SULF1: variants seen among roughly 807,000 people sequenced by gnomAD.
SULF1 encodes extracellular sulfatase Sulf-1.
Under a neutral mutation model 110.5 loss-of-function variants are expected in SULF1, and 46 were observed. The ratio of observed to expected loss-of-function variants is 0.42; its 90% CI spans 0.33 to 0.53. The LOEUF (loss-of-function observed/expected upper bound fraction) is 0.53. SULF1 is among the 20% of genes least tolerant of loss of function. SULF1 has a pLI of 0.12. For missense variants in SULF1, 941 were observed against 1,094.2 expected (o/e 0.86, Z 1.98); for synonymous variants, 371 against 387.1 (o/e 0.96, Z 0.49).
upstream of SULF1, among the ~76,000 whole-genome samples, chr8:69,488,652 C>T (rs1809795554): frequency 6.6e-6 from 1 of 152,020 alleles, no homozygotes; most frequent in Non-Finnish European, 1.5e-5. Context: ...CTCCTCTTCA[C>T]CCTGTTGGTG....
chr8:69,500,101 T>G (rs1415293276), intron 2 of SULF1, among the ~76,000 whole-genome samples: 3 of 152,212 alleles, frequency 2.0e-5, no homozygotes, highest in Non-Finnish European at 4.4e-5. Flanking sequence ...ATTTATAAAA[T>G]TTAAGAAAAT....
intron 1 of SULF1, chr8:69,473,269 C>T (rs957732832): frequency 8.5e-5 from 13 of 152,128 alleles, no homozygotes; most frequent in Non-Finnish European, 1.6e-4. Context: ...ACTATGTCTA[C>T]GTTTTCTAAA....
At position 69,603,323 on chromosome 8, in the gene SULF1, G is replaced by T. The variant is rs1384954907; in HGVS notation, c.1190+3G>T. ...GACCCAGAAAAGCCAGGTAACAGGT[G>T]TGTCATTGTTCCTCCTCTCAGCCAG... On this transcript the variant is annotated splice_donor_region_variant and intron_variant, in intron 11 of 22. Transcript: ENST00000402687. 1 of 1,614,070 alleles carries T rather than the reference G, an allele frequency of 6.2e-7. No individual in the cohort carries two copies. Among genetic ancestry groups the T allele is most frequent in the South Asian group, 1.1e-5 (1 of 91,068 alleles).
chr8:69,488,966 G>A (rs73287667), upstream of SULF1, among the ~76,000 whole-genome samples: 1 of 152,096 alleles, frequency 6.6e-6, no homozygotes, highest in Non-Finnish European at 1.5e-5. Flanking sequence ...AAACCCATAA[G>A]GTTGAAGACC....
intron 3 of SULF1, among the ~76,000 whole-genome samples, chr8:69,502,197 C>T (rs886739143): frequency 6.6e-6 from 1 of 152,120 alleles, no homozygotes; most frequent in Non-Finnish European, 1.5e-5. Flanking sequence ...TAAGAAATGT[C>T]AGAAGAACCA....
At chr8:69,649,609 A>G (rs1410466670) in intron 22 of SULF1, among the ~76,000 whole-genome samples, 1 of 152,170 alleles carries the variant, frequency 6.6e-6, no homozygotes, top group Non-Finnish European at 1.5e-5. Context: ...ACTTCTCATT[A>G]TCAGTCATGA....
At chr8:69,607,550 G>A (rs1357098685) in intron 13 of SULF1, among the ~76,000 whole-genome samples, 1 of 152,116 alleles carries the variant, frequency 6.6e-6, no homozygotes. Flanking sequence ...CTTTTTTAGA[G>A]ATGGGGTTTT....
At chr8:69,511,691 T>C (rs895836750) in intron 3 of SULF1, among the ~76,000 whole-genome samples, 6 of 152,214 alleles carry the variant, frequency 3.9e-5, no homozygotes, top group Admixed American at 6.5e-5. Context: ...TTTGTTACAA[T>C]TGAGGAACCT....
At chr8:69,618,848 A>G (rs2130533448) in intron 13 of SULF1, among the ~76,000 whole-genome samples, 1 of 152,352 alleles carries the variant, frequency 6.6e-6, no homozygotes, top group East Asian at 1.9e-4. Context: ...CTTAAGAGAA[A>G]GCAAACCATG....
rs1324240767 is a variant in SULF1, at chr8:69,564,094, A to G, written c.119A>G (p.Asn40Ser). Residue 40 changes from asparagine to serine, a missense_variant, in exon 5 of 23, where the codon AAC (asparagine) becomes AGC (serine). Asn to Ser is a conservative substitution (Grantham distance 46). Around this residue, in one of 3 missense-constraint regions of SULF1, gnomAD observed 822 missense variants for 934.3 expected, o/e 0.88. Coordinates refer to ENST00000402687, the MANE Select transcript of SULF1 (RefSeq NM_001128205.2). ...FRGRIQQERK[N>S]IRPNIILVLT... ...GGACGGATACAGCAGGAACGAAAAAACATCCGACCCAACATTATTCTTGTG... is the reference window on the plus strand; with the variant it reads ...GGACGGATACAGCAGGAACGAAAAAGCATCCGACCCAACATTATTCTTGTG... 2 of 1,614,018 alleles carry G rather than the reference A, an allele frequency of 1.2e-6. No homozygotes were observed. The highest frequency in any genetic ancestry group is 1.3e-5 in the African/African-American group (1 of 74,910).
chr8:69,537,365 T>A (rs891846884), intron 3 of SULF1, among the ~76,000 whole-genome samples: 4 of 152,208 alleles, frequency 2.6e-5, no homozygotes, highest in African/African-American at 9.7e-5. Context: ...AATAGTTTCA[T>A]ACATTTCTTT....
intron 3 of SULF1, among the ~76,000 whole-genome samples, chr8:69,559,796 A>G (rs951883967): frequency 2.0e-5 from 3 of 152,204 alleles, no homozygotes; most frequent in African/African-American, 7.2e-5. Context: ...AGAAAACACA[A>G]CAGTGAAAAG....
In SULF1 at chr8:69,469,018, G is replaced by A. The variant is rs554338318; in HGVS notation, c.-391+2068G>A. ...AGGCAGGATAGAAACAAGAAAGGAA[G>A]TGTGGAGAGATAATAAATTCACACC... On this transcript the variant is annotated intron_variant, in intron 1 of 22. Coordinates refer to the SULF1 transcript ENST00000260128. Among the ~76,000 whole-genome samples, 9 of 152,340 alleles carry A rather than the reference G, an allele frequency of 5.9e-5. No individual in the cohort carries two copies. The South Asian group carries it at 1.9e-3, about 32-fold the overall frequency.
chr8:69,545,719 A>G (rs962260815), intron 3 of SULF1, among the ~76,000 whole-genome samples: 13 of 152,036 alleles, frequency 8.6e-5, no homozygotes, highest in African/African-American at 2.9e-4. Flanking sequence ...TCTTTGAGAC[A>G]GAGTTTCGCT....
chr8:69,648,103 C>CCA (rs1812065842), intron 22 of SULF1, among the ~76,000 whole-genome samples: 1 of 149,060 alleles, frequency 6.7e-6, no homozygotes, highest in Non-Finnish European at 1.5e-5. Flanking sequence ...AGATGAATAC[C>CCA]AGTTTGGTCC....
At chr8:69,542,543 T>A (rs1372530620) in intron 3 of SULF1, among the ~76,000 whole-genome samples, 1 of 150,716 alleles carries the variant, frequency 6.6e-6, no homozygotes, top group Non-Finnish European at 1.5e-5. Flanking sequence ...CCCCGAGAAA[T>A]GGGGATACCA....
intron 3 of SULF1, among the ~76,000 whole-genome samples, chr8:69,548,372 TG>T (rs1194572343): frequency 6.6e-6 from 1 of 152,076 alleles, no homozygotes. Context: ...ATTTATGTAT[TG>T]GGCAAACTGC....
intron 3 of SULF1, among the ~76,000 whole-genome samples, chr8:69,555,011 A>T (rs1815010844): frequency 6.9e-6 from 1 of 144,328 alleles, no homozygotes; most frequent in Admixed American, 7.1e-5. Context: ...AAAAAAAAAA[A>T]CTTCATACAT....
intron 3 of SULF1, among the ~76,000 whole-genome samples, chr8:69,562,306 C>T (rs1419219140): frequency 6.6e-6 from 1 of 152,168 alleles, no homozygotes; most frequent in African/African-American, 2.4e-5. Context: ...TCTTTCACTA[C>T]CCCCTGTCAC....
Sources: allele counts gnomAD v4.1 joint callset (sites outside exome capture counted in the v4.1 genomes callset), GRCh38; gene constraint gnomAD v4.1.1; regional missense constraint gnomAD v4.1.1; transcripts MANE v1.5; gene names NCBI Gene and HGNC (gene_info 2026-07-23, HGNC 2026-07-21).